PDSS2: variants seen among roughly 807,000 people sequenced by gnomAD.
The protein encoded by PDSS2 is decaprenyl diphosphate synthase subunit 2.
In PDSS2, 31 loss-of-function variants were observed where a neutral mutation model predicts 44.5. The ratio of observed to expected loss-of-function variants is 0.70; its 90% confidence interval spans 0.52 to 0.94. The LOEUF is 0.94. Among genes scored for constraint, PDSS2 ranks in the 40% least tolerant of loss-of-function variants. The probability of loss-of-function intolerance (pLI) is 0.00; values close to 1 mark genes in which losing one functional copy is unlikely to be tolerated. For synonymous variants in PDSS2, 157 were observed against 180.3 expected (o/e 0.87, Z 1.03); for missense variants, 452 against 482.2 (o/e 0.94, Z 0.59).
At chr6:107,349,229 G>A (rs911777957) in intron 1 of PDSS2, among the ~76,000 whole-genome samples, 2 of 152,104 alleles carry the variant, frequency 1.3e-5, no homozygotes, top group East Asian at 1.9e-4. Context: ...TCAGGAGATC[G>A]AGACTATCCT....
intron 1 of PDSS2, among the ~76,000 whole-genome samples, chr6:107,396,822 A>G (rs1159279088): frequency 6.6e-6 from 1 of 151,186 alleles, no homozygotes; most frequent in Non-Finnish European, 1.5e-5. Flanking sequence ...CTGAGTAGCT[A>G]AAGATTACAG....
At chr6:107,284,506 C>T (rs552534379) in intron 2 of PDSS2, among the ~76,000 whole-genome samples, 1 of 151,942 alleles carries the variant, frequency 6.6e-6, no homozygotes, top group East Asian at 1.9e-4. Flanking sequence ...ACTAAAAATA[C>T]AAAAATTAGC....
At chr6:107,294,019 G>C (rs776589640) in intron 2 of PDSS2, among the ~76,000 whole-genome samples, 12 of 152,088 alleles carry the variant, frequency 7.9e-5, no homozygotes, top group Non-Finnish European at 1.8e-4. Flanking sequence ...GCAGGGGTTA[G>C]GAAAAATGTG....
chr6:107,362,370 G>C (rs60512517), intron 1 of PDSS2, among the ~76,000 whole-genome samples: 2,038 of 152,272 alleles, frequency 0.013, 61 homozygotes, highest in East Asian at 0.12. Context: ...GTGTTTCAGC[G>C]TAACTTCTGA....
chr6:107,338,573 G>T (rs554520098), intron 1 of PDSS2, among the ~76,000 whole-genome samples: 3 of 152,166 alleles, frequency 2.0e-5, no homozygotes, highest in African/African-American at 7.2e-5. Context: ...GATGAATAAG[G>T]GTTGTGGCAG....
chr6:107,349,938 T>G (rs1460867652), intron 1 of PDSS2, among the ~76,000 whole-genome samples: 2 of 152,232 alleles, frequency 1.3e-5, no homozygotes, highest in African/African-American at 4.8e-5. Flanking sequence ...TGCATTTAGT[T>G]GCCATGCCTC....
At chr6:107,441,713 C>T (rs1259371326) in intron 1 of PDSS2, among the ~76,000 whole-genome samples, 12 of 152,114 alleles carry the variant, frequency 7.9e-5, no homozygotes, top group Non-Finnish European at 5.9e-5. Context: ...GGACAGGGTG[C>T]CCTGCTCAGA....
chr6:107,275,629 C>T (rs572882862), intron 2 of PDSS2, among the ~76,000 whole-genome samples: 1 of 152,254 alleles, frequency 6.6e-6, no homozygotes, highest in African/African-American at 2.4e-5. Flanking sequence ...TAAGTTGTTT[C>T]AAGTCACTAA....
At chr6:107,435,035 G>C (rs1188015631) in intron 1 of PDSS2, among the ~76,000 whole-genome samples, 5 of 152,020 alleles carry the variant, frequency 3.3e-5, no homozygotes, top group Admixed American at 2.0e-4. Context: ...TCAGTACTAT[G>C]AGAGGCCAAG....
intron 1 of PDSS2, among the ~76,000 whole-genome samples, chr6:107,360,638 C>T (rs915075781): frequency 6.6e-6 from 1 of 152,200 alleles, no homozygotes; most frequent in Non-Finnish European, 1.5e-5. Flanking sequence ...GACAGTGTTG[C>T]TCATTTTGGT....
rs1775662390 is a variant in PDSS2, at chr6:107,273,188, T to C, written c.630+841A>G. On this transcript the variant is annotated intron_variant, in intron 3 of 7. Coordinates refer to ENST00000369037, the MANE Select transcript of PDSS2 (RefSeq NM_020381.4). ...TAGTAGAGACGGGGTTTCACCATGT[T>C]GGCTAGACTGGTCTCGAACTCCTGA... 2.6e-5 allele frequency among the ~76,000 whole-genome samples: 4 copies of C among 152,236 alleles called. No homozygotes were observed. In the South Asian group the frequency reaches 8.3e-4, roughly 32 times the overall value.
chr6:107,442,978 C>T (rs1017984402), intron 1 of PDSS2, among the ~76,000 whole-genome samples: 6 of 152,202 alleles, frequency 3.9e-5, no homozygotes, highest in Admixed American at 3.9e-4. Context: ...ACACTTTTAT[C>T]CTAACATATG....
chr6:107,270,201 C>G (rs1775553735), intron 3 of PDSS2, among the ~76,000 whole-genome samples: 1 of 152,110 alleles, frequency 6.6e-6, no homozygotes, highest in South Asian at 2.1e-4. Context: ...CTCCACCACC[C>G]AGGTTCGAGC....
At chr6:107,312,720 T>C (rs1777081295) in intron 2 of PDSS2, among the ~76,000 whole-genome samples, 1 of 152,082 alleles carries the variant, frequency 6.6e-6, no homozygotes, top group Admixed American at 6.6e-5. Context: ...TGCCTCAGAT[T>C]AGAAATGTGG....
chr6:107,200,745 C>T (rs983331116), intron 6 of PDSS2, among the ~76,000 whole-genome samples: 1 of 152,060 alleles, frequency 6.6e-6, no homozygotes, highest in Non-Finnish European at 1.5e-5. Context: ...CGGCTCACTG[C>T]AACCTCCACC....
At chr6:107,281,786 G>A (rs940807998) in intron 2 of PDSS2, among the ~76,000 whole-genome samples, 2 of 151,978 alleles carry the variant, frequency 1.3e-5, no homozygotes, top group Admixed American at 6.6e-5. Flanking sequence ...TATTTCTTTA[G>A]CTATCTCTCT....
chr6:107,396,620 A>G (rs1017243436), intron 1 of PDSS2, among the ~76,000 whole-genome samples: 2 of 151,006 alleles, frequency 1.3e-5, no homozygotes, highest in African/African-American at 2.4e-5. Flanking sequence ...TGTAGAGACT[A>G]CGGTTGATGT....
In PDSS2 at chr6:107,188,857, C is replaced by G. The variant is rs141698930; in HGVS notation, c.1041+4965G>C. Among the ~76,000 whole-genome samples the G allele has an allele frequency of 5.5e-3, 841 of 152,332 alleles. 1 individual carries two copies. Among genetic ancestry groups the G allele is most frequent in the Non-Finnish European group, 7.8e-3 (534 of 68,034 alleles). ...GCCTAACCAGAAGTAGATGTCAGCA[C>G]TATGCTTCTCGTATACCTGCAGAAC... On this transcript the variant is annotated intron_variant, in intron 7 of 7. Transcript: ENST00000369037.
chr6:107,336,440 CAAGAT>C (rs1451595523), intron 1 of PDSS2, among the ~76,000 whole-genome samples: 1 of 151,964 alleles, frequency 6.6e-6, no homozygotes, highest in Non-Finnish European at 1.5e-5. Flanking sequence ...CAATCTTCAT[CAAGAT>C]AAAAGGGTTT....
Sources: gnomAD v4.1 joint callset for allele counts (sites outside exome capture counted in the v4.1 genomes callset) on GRCh38, gnomAD v4.1.1 for gene constraint, MANE v1.5 for transcripts, NCBI Gene and HGNC (gene_info 2026-07-23, HGNC 2026-07-21) for gene names.